NAPB: variants seen among roughly 807,000 people sequenced by gnomAD.
NAPB encodes NSF attachment protein beta, also known as beta-soluble NSF attachment protein.
In NAPB, 26 loss-of-function variants were observed where a neutral mutation model predicts 44.7. That is an observed-to-expected ratio of 0.58 (90% CI 0.43 to 0.81). The LOEUF (loss-of-function observed/expected upper bound fraction) is 0.81, where lower values mean the gene tolerates loss of function less well. NAPB is among the 30% of genes least tolerant of loss of function. The probability of loss-of-function intolerance (pLI) is 0.00; values close to 1 mark genes in which losing one functional copy is unlikely to be tolerated. For missense variants in NAPB, 315 were observed against 356.4 expected (o/e 0.88, Z 0.94); for synonymous variants, 120 against 116.8 (o/e 1.03, Z -0.18).
intron 7 of NAPB, among the ~76,000 whole-genome samples, chr20:23,389,230 T>TAAAAA (rs202242386): frequency 9.9e-6 from 1 of 101,098 alleles, no homozygotes; most frequent in African/African-American, 6.0e-5. Context: ...TGACTATTAT[T>TAAAAA]TAAAAAAAAA....
intron 7 of NAPB, among the ~76,000 whole-genome samples, chr20:23,386,901 G>C (rs1351595873): frequency 6.6e-6 from 1 of 152,092 alleles, no homozygotes; most frequent in Non-Finnish European, 1.5e-5. Flanking sequence ...ATAAACTTGA[G>C]GGTGTTCTTG....
At chr20:23,383,783 G>A (rs1239440019) in intron 7 of NAPB, among the ~76,000 whole-genome samples, 1 of 152,132 alleles carries the variant, frequency 6.6e-6, no homozygotes, top group Non-Finnish European at 1.5e-5. Flanking sequence ...AAATATAACA[G>A]GCTTTCTTTC....
Position 23,377,485 on chromosome 20 carries a change from A to T in NAPB, c.788T>A (p.Val263Glu). ...GCGAGATATTGAGTCAAATTCCTTC[A>T]CCTAGTATAAGGAAAGAGGAACAGG... is the stretch of plus-strand genomic sequence containing the variant. ...EQNSEAYTEAVKEFDSISRLD... is the reference protein window; with the variant it reads ...EQNSEAYTEAEKEFDSISRLD... The change falls in exon 11 of 11, where the codon GTG becomes GAG. Residue 263 changes from valine to glutamate, a missense_variant and splice_region_variant. By Grantham distance (121) the Val-to-Glu change is moderately radical. Transcript: ENST00000377026. 6.3e-7 allele frequency: 1 copy of T among 1,587,706 alleles called. No individual in the cohort carries two copies. Among genetic ancestry groups the T allele is most frequent in the Non-Finnish European group, 8.6e-7 (1 of 1,161,384 alleles).
chr20:23,409,158 C>T (rs1027922349), intron 1 of NAPB, among the ~76,000 whole-genome samples: 1 of 152,176 alleles, frequency 6.6e-6, no homozygotes, highest in Non-Finnish European at 1.5e-5. Context: ...AAGAAAAATT[C>T]CACCAAGCCA....
chr20:23,403,334 G>A (rs1984990875), intron 1 of NAPB, among the ~76,000 whole-genome samples: 1 of 152,178 alleles, frequency 6.6e-6, no homozygotes, highest in Admixed American at 6.5e-5. Flanking sequence ...AGGGCATGAT[G>A]GCTCATGCCT....
intron 1 of NAPB, among the ~76,000 whole-genome samples, chr20:23,416,985 ACATTGC>A (rs548760966): frequency 7.2e-5 from 11 of 152,318 alleles, no homozygotes; most frequent in African/African-American, 2.6e-4. Context: ...ATTTACATTG[ACATTGC>A]CAAATTTGTA....
chr20:23,392,703 A>G (rs1270356922), intron 5 of NAPB, among the ~76,000 whole-genome samples: 1 of 150,694 alleles, frequency 6.6e-6, no homozygotes, highest in Non-Finnish European at 1.5e-5. Flanking sequence ...TTATATTTTT[A>G]GTAGAGATGG....
At position 23,412,676 on chromosome 20, in the gene NAPB, G is replaced by C. The variant is rs114844850; in HGVS notation, c.98+8629C>G. Among the ~76,000 whole-genome samples the C allele has an allele frequency of 2.0e-3, 297 of 152,284 alleles. 1 individual carries two copies. The highest frequency in any genetic ancestry group is 6.3e-3 in the African/African-American group (261 of 41,536). On this transcript the variant is annotated intron_variant, in intron 1 of 10. Transcript: ENST00000377026. ...GACAATATAATCAATAACTAGACAA[G>C]AGGGATCTCTATCAAAATTTGATAA... is the stretch of plus-strand genomic sequence containing the variant.
intron 8 of NAPB, 152 bp from the exon 9 acceptor site, chr20:23,380,087 T>C (rs1982872268): frequency 3.4e-6 from 2 of 588,366 alleles, no homozygotes; most frequent in South Asian, 2.7e-5. Flanking sequence ...ATAGAAAATC[T>C]TTCTATTCTG....
Position 23,421,404 on chromosome 20 carries a change from T to A in NAPB, c.-2A>T. 1 of 1,543,024 alleles carries A rather than the reference T, an allele frequency of 6.5e-7. No individual in the cohort carries two copies. ...ACGCTCCTTCCCCGCGTTGTCCATG[T>A]CGCCCGCCGCGGCCGCCACAGCCCC... On this transcript the variant is annotated 5_prime_UTR_variant, in exon 1 of 11. Coordinates refer to ENST00000377026, the MANE Select transcript of NAPB (RefSeq NM_022080.3).
intron 5 of NAPB, among the ~76,000 whole-genome samples, chr20:23,394,701 G>T (rs1984221838): frequency 6.6e-6 from 1 of 152,188 alleles, no homozygotes; most frequent in Non-Finnish European, 1.5e-5. Context: ...GAAACAACAG[G>T]TGATCTCTGT....
chr20:23,379,627 G>A, intron 9 of NAPB, 132 bp from the exon 10 acceptor site: 1 of 737,090 alleles, frequency 1.4e-6, no homozygotes, highest in Non-Finnish European at 2.2e-6. Flanking sequence ...TACAAGTCAA[G>A]AGCCAAGTTA....
intron 2 of NAPB, among the ~76,000 whole-genome samples, chr20:23,401,195 T>A (rs1984815198): frequency 6.6e-6 from 1 of 151,890 alleles, no homozygotes; most frequent in Non-Finnish European, 1.5e-5. Context: ...AAGGGGATAG[T>A]CTTTGAGGGC....
intron 7 of NAPB, among the ~76,000 whole-genome samples, chr20:23,385,732 AAGAAGAGAAAGAGAG>A (rs1568605471): frequency 6.7e-6 from 1 of 150,092 alleles, no homozygotes; most frequent in African/African-American, 2.5e-5. Flanking sequence ...AAAGAAGAGA[AAGAAGAGAAAGAGAG>A]AGAGAGAAAG....
In NAPB at chr20:23,381,248, G is replaced by C. The variant is rs769822989; in HGVS notation, c.631C>G (p.Leu211Val). The change falls in exon 8 of 11, where the codon CTC becomes GTC. Residue 211 changes from leucine to valine, a missense_variant. Around this residue, in one of 3 missense-constraint regions of NAPB, gnomAD observed 120 missense variants for 130.5 expected, o/e 0.92. Transcript: ENST00000377026. ...SAKDYFFKAA[L>V]CHFIVDELNA... ...AACTCGTCTACTATGAAGTGGCAGA[G>C]GGCAGCTTTGAAGAAGTAATCCTTT... 4 of 1,613,244 alleles carry C rather than the reference G, an allele frequency of 2.5e-6. No homozygotes were observed. The highest frequency in any genetic ancestry group is 3.4e-6 in the Non-Finnish European group (4 of 1,179,648).
intron 1 of NAPB, among the ~76,000 whole-genome samples, chr20:23,420,960 G>C (rs937936721): frequency 2.6e-5 from 4 of 151,652 alleles, no homozygotes; most frequent in African/African-American, 9.7e-5. Context: ...GAGAGCGTGT[G>C]GGGGCTGAGG....
chr20:23,396,095 G>A (rs6137930), intron 3 of NAPB, among the ~76,000 whole-genome samples: 11,575 of 152,192 alleles, frequency 0.076, 669 homozygotes, highest in East Asian at 0.3. Flanking sequence ...TTCCTTTTGC[G>A]TTTATTAGAC....
At chr20:23,383,150 C>CA (rs1447198492) in intron 7 of NAPB, among the ~76,000 whole-genome samples, 1 of 103,922 alleles carries the variant, frequency 9.6e-6, no homozygotes, top group Non-Finnish European at 1.8e-5. Flanking sequence ...GAGCAAGACT[C>CA]GGTCTCAAAA....
Position 23,403,031 on chromosome 20 carries a change from C to T in NAPB, c.140G>A (p.Arg47Lys). Reference sequence around the variant, plus strand: ...AGCCATCTTGAACATATTTGCAGCTCTGGTATACATTTCACAAGCCTCTTC... The same window carrying T: ...AGCCATCTTGAACATATTTGCAGCTTTGGTATACATTTCACAAGCCTCTTC... ...RIEEACEMYTRAANMFKMAKN... is the reference protein window; with the variant it reads ...RIEEACEMYTKAANMFKMAKN... Residue 47 changes from arginine (R) to lysine (K), a missense_variant, in exon 2 of 11, where the codon AGA becomes AAA. By Grantham distance (26) the Arg-to-Lys change is conservative. This residue lies in a region of NAPB where 179 missense variants were observed against 182.5 expected (regional missense o/e 0.98). Coordinates refer to ENST00000377026, the MANE Select transcript of NAPB (RefSeq NM_022080.3). 1 of 1,613,904 alleles carries T rather than the reference C, an allele frequency of 6.2e-7. No individual in the cohort carries two copies. Among genetic ancestry groups the T allele is most frequent in the Non-Finnish European group, 8.5e-7 (1 of 1,179,928 alleles).
Sources: allele counts gnomAD v4.1 joint callset (sites outside exome capture counted in the v4.1 genomes callset), GRCh38; gene constraint gnomAD v4.1.1; regional missense constraint gnomAD v4.1.1; transcripts MANE v1.5; gene names NCBI Gene and HGNC (gene_info 2026-07-23, HGNC 2026-07-21).